Variants in SLC9A9 observed in about 807,000 individuals in gnomAD.
The protein encoded by SLC9A9 is sodium/hydrogen exchanger 9.
SLC9A9 carries 62 observed loss-of-function variants against 77.8 expected under a neutral mutation model. The ratio of observed to expected loss-of-function variants is 0.80; its 90% CI spans 0.65 to 0.98. The LOEUF (loss-of-function observed/expected upper bound fraction) is 0.98, where lower values mean the gene tolerates loss of function less well. SLC9A9 is among the 50% of genes least tolerant of loss of function. The pLI, the probability that SLC9A9 is intolerant of heterozygous loss-of-function variation, is 0.00. For missense variants in SLC9A9, 775 were observed against 774.9 expected, an observed-to-expected ratio of 1.00 and a Z score of 0.00; for synonymous variants, 320 against 283.5, an observed-to-expected ratio of 1.13 and a Z score of -1.29.
At chr3:143,491,587 A>G (rs557385126) in intron 11 of SLC9A9, among the ~76,000 whole-genome samples, 1 of 152,286 alleles carries the variant, frequency 6.6e-6, no homozygotes, top group South Asian at 2.1e-4. Flanking sequence ...TGTACACATC[A>G]TATTATTGGC....
At chr3:143,679,011 T>C (rs931585202) in intron 5 of SLC9A9, among the ~76,000 whole-genome samples, 1 of 151,068 alleles carries the variant, frequency 6.6e-6, no homozygotes, top group Non-Finnish European at 1.5e-5. Context: ...CTGTTTTGGA[T>C]TGATGTGTGT....
rs369487534 is a variant in SLC9A9 at position 143,271,718 on chromosome 3, G to A, written c.1605-2738C>T. Among the ~76,000 whole-genome samples the A allele has an allele frequency of 1.0e-3, 153 of 152,286 alleles. 1 individual carries two copies. The highest frequency in any genetic ancestry group is 3.3e-3 in the East Asian group (17 of 5,186). On this transcript the variant is annotated intron_variant, in intron 14 of 15. Coordinates refer to ENST00000316549, the MANE Select transcript of SLC9A9 (RefSeq NM_173653.4). ...GCTAGCATGAGGTGGTGAGTGAGAG[G>A]TGGGTAGAATTAGTTGATGTAAGAC...
chr3:143,778,580 A>C (rs958574111), intron 4 of SLC9A9, among the ~76,000 whole-genome samples: 4 of 152,164 alleles, frequency 2.6e-5, no homozygotes, highest in Non-Finnish European at 4.4e-5. Flanking sequence ...AAGAAAAAAA[A>C]GGAGGGTTAG....
At chr3:143,450,452 C>T (rs903793115) in intron 12 of SLC9A9, among the ~76,000 whole-genome samples, 5 of 151,412 alleles carry the variant, frequency 3.3e-5, no homozygotes, top group African/African-American at 1.2e-4. Context: ...TTTAGAAAAA[C>T]GTACTCAAGT....
intron 14 of SLC9A9, among the ~76,000 whole-genome samples, chr3:143,359,045 G>C (rs2032668699): frequency 1.3e-5 from 2 of 151,430 alleles, no homozygotes; most frequent in South Asian, 4.2e-4. Flanking sequence ...GTCTACACAG[G>C]GTAGCCTGGA....
intron 2 of SLC9A9, chr3:143,811,743 T>A: frequency 2.2e-6 from 1 of 454,438 alleles, no homozygotes; most frequent in Non-Finnish European, 4.4e-6. Flanking sequence ...ACGCCTGTAA[T>A]CCCAGCTACT....
intron 1 of SLC9A9, among the ~76,000 whole-genome samples, chr3:143,838,207 T>C (rs901838122): frequency 1.1e-4 from 16 of 152,114 alleles, no homozygotes; most frequent in African/African-American, 3.9e-4. Flanking sequence ...CTCCCTACAG[T>C]ATTGGAAAAA....
chr3:143,354,509 G>A (rs2032539619), intron 14 of SLC9A9, among the ~76,000 whole-genome samples: 1 of 152,322 alleles, frequency 6.6e-6, no homozygotes, highest in East Asian at 1.9e-4. Context: ...ACCCAGGACT[G>A]TGTCTCACTG....
chr3:143,273,798 G>A (rs1269129587), intron 14 of SLC9A9, among the ~76,000 whole-genome samples: 6 of 152,152 alleles, frequency 3.9e-5, no homozygotes, highest in African/African-American at 9.7e-5. Context: ...GGAAGTAAAC[G>A]AAGACACTGA....
At chr3:143,830,148 C>T (rs2009399670) in intron 2 of SLC9A9, among the ~76,000 whole-genome samples, 1 of 152,110 alleles carries the variant, frequency 6.6e-6, no homozygotes, top group East Asian at 1.9e-4. Context: ...TGACATACTC[C>T]AGGTATTTAT....
chr3:143,647,155 G>A (rs1030792827), intron 6 of SLC9A9, among the ~76,000 whole-genome samples: 3 of 152,186 alleles, frequency 2.0e-5, no homozygotes, highest in Non-Finnish European at 4.4e-5. Context: ...ATCCTGTGAG[G>A]TAAGTGCTAT....
At chr3:143,419,862 C>A (rs1403948903) in intron 12 of SLC9A9, among the ~76,000 whole-genome samples, 1 of 152,172 alleles carries the variant, frequency 6.6e-6, no homozygotes, top group Non-Finnish European at 1.5e-5. Context: ...AGTGTCTGAG[C>A]AGATGCCAAC....
At chr3:143,330,386 C>A (rs2031733816) in intron 14 of SLC9A9, among the ~76,000 whole-genome samples, 1 of 152,158 alleles carries the variant, frequency 6.6e-6, no homozygotes, top group Non-Finnish European at 1.5e-5. Context: ...TGGTCCCTTT[C>A]TAAGGAAATG....
intron 8 of SLC9A9, among the ~76,000 whole-genome samples, chr3:143,563,080 A>T (rs1215820305): frequency 6.6e-6 from 1 of 152,192 alleles, no homozygotes; most frequent in Non-Finnish European, 1.5e-5. Flanking sequence ...TAAGAACTAG[A>T]ACCAACACTT....
chr3:143,731,341 A>G (rs1576688045), intron 4 of SLC9A9, among the ~76,000 whole-genome samples: 2 of 152,300 alleles, frequency 1.3e-5, no homozygotes, highest in East Asian at 1.9e-4. Flanking sequence ...ACCTAATTCC[A>G]TATACACACC....
At chr3:143,339,962 C>T (rs1357499319) in intron 14 of SLC9A9, among the ~76,000 whole-genome samples, 1 of 152,072 alleles carries the variant, frequency 6.6e-6, no homozygotes, top group African/African-American at 2.4e-5. Context: ...AAAAAAGCAA[C>T]CAAGTCAAAG....
chr3:143,390,872 T>C (rs139682072), intron 12 of SLC9A9, among the ~76,000 whole-genome samples: 18 of 152,284 alleles, frequency 1.2e-4, no homozygotes, highest in African/African-American at 4.1e-4. Flanking sequence ...CAGGCTGAGA[T>C]TGAACTGCAA....
intron 12 of SLC9A9, among the ~76,000 whole-genome samples, chr3:143,453,618 T>C (rs1386362511): frequency 3.3e-5 from 5 of 152,174 alleles, no homozygotes; most frequent in Non-Finnish European, 5.9e-5. Flanking sequence ...AATAATTCAC[T>C]GACATTTCTA....
intron 5 of SLC9A9, among the ~76,000 whole-genome samples, chr3:143,654,052 G>C (rs2038845111): frequency 6.6e-6 from 1 of 152,146 alleles, no homozygotes; most frequent in Non-Finnish European, 1.5e-5. Context: ...AATGACTCTG[G>C]ATTTTGATCT....
Sources: allele counts gnomAD v4.1 joint callset (sites outside exome capture counted in the v4.1 genomes callset), GRCh38; gene constraint gnomAD v4.1.1; transcripts MANE v1.5; gene names NCBI Gene and HGNC (gene_info 2026-07-23, HGNC 2026-07-21).